The following EGFR variants were observed in gnomAD, a reference collection of about 807,000 sequenced individuals.
EGFR encodes avian erythroblastic leukemia viral (v-erb-b) oncogene homolog.
A neutral mutation model predicts 143.0 loss-of-function variants in EGFR; 58 were observed. That is an observed-to-expected ratio of 0.41 (90% CI 0.33 to 0.50). EGFR has a LOEUF of 0.50. Among genes scored for constraint, EGFR ranks in the 20% least tolerant of loss-of-function variants. EGFR has a pLI of 0.39. For missense variants in EGFR, 1,307 were observed against 1,579.0 expected, an observed-to-expected ratio of 0.83 and a Z score of 2.92; for synonymous variants, 613 against 594.4, an observed-to-expected ratio of 1.03 and a Z score of -0.45.
intron 1 of EGFR, among the ~76,000 whole-genome samples, chr7:55,113,887 C>T (rs1328684362): frequency 6.6e-6 from 1 of 152,142 alleles, no homozygotes; most frequent in Non-Finnish European, 1.5e-5. Context: ...CTGGAGCCTG[C>T]TGGGGGCTTT....
At chr7:55,157,895 G>A (rs1785508768) in intron 11 of EGFR, 142 bp downstream of exon 11, 1 of 850,078 alleles carries the variant, frequency 1.2e-6, no homozygotes, top group African/African-American at 1.7e-5. Flanking sequence ...CACATGAGCA[G>A]GCACAGGGAG....
At chr7:55,096,000 C>T (rs1377547884) in intron 1 of EGFR, among the ~76,000 whole-genome samples, 1 of 151,910 alleles carries the variant, frequency 6.6e-6, no homozygotes, top group Non-Finnish European at 1.5e-5. Context: ...GACACACAGA[C>T]ACACACAGGC....
At chr7:55,108,099 T>A (rs560072553) in intron 1 of EGFR, among the ~76,000 whole-genome samples, 7 of 152,352 alleles carry the variant, frequency 4.6e-5, no homozygotes, top group African/African-American at 1.7e-4. Context: ...TTCTGAAAGG[T>A]GATTTTTAGC....
intron 1 of EGFR, among the ~76,000 whole-genome samples, chr7:55,079,780 A>G (rs1054040572): frequency 2.0e-5 from 3 of 152,054 alleles, no homozygotes; most frequent in African/African-American, 7.2e-5. Context: ...CAAGCCCAGT[A>G]GTCCGTGAAA....
chr7:55,153,754 C>G lies in EGFR; in HGVS notation c.748-257C>G, dbSNP rs12718946. 0.53 allele frequency among the ~76,000 whole-genome samples: 80,271 copies of G among 152,032 alleles called. 21,369 individuals carry two copies. Among genetic ancestry groups the G allele is most frequent in the African/African-American group, 0.57 (23,777 of 41,430 alleles). ...ACTCCATCATCTATACGTTAGTAAA[C>G]AGACGTATTTTTATCATAATCCATA... On this transcript the variant is annotated intron_variant, in intron 6 of 27. Coordinates refer to ENST00000275493, the MANE Select transcript of EGFR (RefSeq NM_005228.5).
In EGFR at chr7:55,019,180, C is replaced by G; in HGVS notation, c.-98C>G. 1 of 1,041,670 alleles carries G rather than the reference C, an allele frequency of 9.6e-7. No individual in the cohort carries two copies. The highest frequency in any genetic ancestry group is 1.3e-6 in the Non-Finnish European group (1 of 744,722). 64.5% of individuals were successfully genotyped at this position (1,041,670 alleles called of 1,614,324 possible). ...CCACCTCGTCGGCGTCCGCCCGAGT[C>G]CCCGCCTCGCCGCCAACGCCACAAC... On this transcript the variant is annotated 5_prime_UTR_variant, in exon 1 of 28. Transcript: ENST00000275493.
intron 20 of EGFR, among the ~76,000 whole-genome samples, chr7:55,191,382 A>G (rs1325626696): frequency 6.6e-6 from 1 of 151,762 alleles, no homozygotes; most frequent in Non-Finnish European, 1.5e-5. Flanking sequence ...CTTTGCAGAT[A>G]AACCACATGC....
chr7:55,186,807 G>C (rs906773703), intron 20 of EGFR, among the ~76,000 whole-genome samples: 2 of 152,236 alleles, frequency 1.3e-5, no homozygotes, highest in Non-Finnish European at 2.9e-5. Context: ...AGCAGGAAGG[G>C]AAGCAGGTCA....
Position 55,085,702 on chromosome 7 carries a change from C to T in EGFR, c.89-56584C>T, listed in dbSNP as rs17336031. The stretch of plus-strand genomic sequence containing the variant: ...GTAGTGCGTGGTGGAATTCTGCTAA[C>T]GAAAATTGCGAAGGATCAAGGCAGA... On this transcript the variant is annotated intron_variant, in intron 1 of 27. Transcript: ENST00000275493. Among the ~76,000 whole-genome samples, 923 of 152,270 alleles carry T rather than the reference C, an allele frequency of 6.1e-3. 9 individuals carry two copies. The highest frequency in any genetic ancestry group is 0.021 in the African/African-American group (858 of 41,540).
intron 1 of EGFR, among the ~76,000 whole-genome samples, chr7:55,030,097 T>G (rs1479685415): frequency 6.6e-6 from 1 of 152,206 alleles, no homozygotes; most frequent in East Asian, 1.9e-4. Flanking sequence ...ATTCTGCTGT[T>G]GTCCGTAATC....
At chr7:55,064,027 T>A (rs1055045151) in intron 1 of EGFR, among the ~76,000 whole-genome samples, 2 of 85,426 alleles carry the variant, frequency 2.3e-5, no homozygotes, top group Non-Finnish European at 5.4e-5. Flanking sequence ...CATAATAGAT[T>A]TTTTTTAAGC....
chr7:55,101,411 G>A (rs553577121), intron 1 of EGFR, among the ~76,000 whole-genome samples: 3 of 152,360 alleles, frequency 2.0e-5, no homozygotes, highest in Admixed American at 2.0e-4. Flanking sequence ...AGGATGTGGA[G>A]CGAGGCTGAG....
At position 55,205,656 on chromosome 7, in the gene EGFR, T is replaced by C. The variant is rs1583665959; in HGVS notation, c.*39T>C. ...TATGAGCCCTAAAAATCCAGACTCT[T>C]TCGATACCCAGGACCAAGCCACAGC... On this transcript the variant is annotated 3_prime_UTR_variant, in exon 28 of 28. Transcript: ENST00000275493. 6.2e-7 allele frequency: 1 copy of C among 1,613,922 alleles called. No homozygotes were observed. The highest frequency in any genetic ancestry group is 2.2e-5 in the East Asian group (1 of 44,880).
At position 55,206,987 on chromosome 7, in the gene EGFR, C is replaced by T. The variant is rs1788123664; in HGVS notation, c.*1370C>T. On this transcript the variant is annotated 3_prime_UTR_variant, in exon 28 of 28. Transcript: ENST00000275493. ...TGTTTTAGAAGGAAAAAAGTTCCTTCCTAAAATAATTTCTCTACAATTGGA... is the reference window on the plus strand; with the variant it reads ...TGTTTTAGAAGGAAAAAAGTTCCTTTCTAAAATAATTTCTCTACAATTGGA... The T allele has an allele frequency of 4.3e-6, 1 of 232,956 alleles. No individual in the cohort carries two copies. Among genetic ancestry groups the T allele is most frequent in the Non-Finnish European group, 8.5e-6 (1 of 117,956 alleles). 14.4% of individuals were successfully genotyped at this position (232,956 alleles called of 1,614,324 possible).
chr7:55,075,416 T>C (rs1302800487), intron 1 of EGFR, among the ~76,000 whole-genome samples: 1 of 152,312 alleles, frequency 6.6e-6, no homozygotes. Flanking sequence ...AGATAGTTTA[T>C]ATCTAATTTC....
intron 1 of EGFR, among the ~76,000 whole-genome samples, chr7:55,032,397 A>T (rs1338090977): frequency 6.6e-6 from 1 of 152,206 alleles, no homozygotes; most frequent in African/African-American, 2.4e-5. Flanking sequence ...ATATCTGAAG[A>T]TGCAATTTAT....
chr7:55,126,254 G>A (rs552987831), intron 1 of EGFR, among the ~76,000 whole-genome samples: 10 of 152,214 alleles, frequency 6.6e-5, no homozygotes, highest in Non-Finnish European at 1.2e-4. Flanking sequence ...AGCTTCCTGA[G>A]GGCAGGAACA....
chr7:55,023,561 G>A (rs967044484), intron 1 of EGFR, among the ~76,000 whole-genome samples: 2 of 144,100 alleles, frequency 1.4e-5, no homozygotes, highest in Non-Finnish European at 3.0e-5. Context: ...TGAGGCAGGA[G>A]AATTGCTTGA....
In EGFR at chr7:55,208,375, C is replaced by A. The variant is rs1036028531; in HGVS notation, c.*2758C>A. ...AGGTCTTCCTGATTGATAGCCTGGCCTTAATACCCTACAGAAAGCCTGTCC... is the reference window on the plus strand; with the variant it reads ...AGGTCTTCCTGATTGATAGCCTGGCATTAATACCCTACAGAAAGCCTGTCC... On this transcript the variant is annotated 3_prime_UTR_variant, in exon 28 of 28. Transcript: ENST00000275493. 1 of 152,198 alleles carries A rather than the reference C, an allele frequency of 6.6e-6. No homozygotes were observed. The highest frequency in any genetic ancestry group is 1.5e-5 in the Non-Finnish European group (1 of 68,082). The allele number at this position is 152,198 out of a possible 1,614,324, so 9.4% of individuals were successfully genotyped here. A position where few individuals can be genotyped will look rare whatever the true frequency, so the allele number is the denominator to read the frequency against.
Sources: allele counts gnomAD v4.1 joint callset (sites outside exome capture counted in the v4.1 genomes callset), GRCh38; gene constraint gnomAD v4.1.1; transcripts MANE v1.5; gene names NCBI Gene and HGNC (gene_info 2026-07-23, HGNC 2026-07-21).